Variants in EPB41L4A observed in about 807,000 individuals in gnomAD.
EPB41L4A encodes the protein erythrocyte membrane protein band 4.1 like 4A, also known as band 4.1-like protein 4A.
In EPB41L4A, 100 loss-of-function variants were observed where a neutral mutation model predicts 108.6. That is an observed-to-expected ratio of 0.92 (90% CI 0.78 to 1.09). The LOEUF is 1.09. Ranked by LOEUF, EPB41L4A falls within the 50% of genes least tolerant of loss-of-function variation. The probability of loss-of-function intolerance (pLI) is 0.00; values close to 1 mark genes in which losing one functional copy is unlikely to be tolerated. For missense variants in EPB41L4A, 1,030 were observed against 842.7 expected, an observed-to-expected ratio of 1.22 and a Z score of -2.75; for synonymous variants, 319 against 289.0, an observed-to-expected ratio of 1.10 and a Z score of -1.05.
At chr5:112,387,578 G>A (rs765785757) in intron 1 of EPB41L4A, among the ~76,000 whole-genome samples, 10 of 152,182 alleles carry the variant, frequency 6.6e-5, no homozygotes, top group Non-Finnish European at 1.2e-4. Context: ...GCAGTGAGCC[G>A]AAATCATGCC....
intron 6 of EPB41L4A, chr5:112,263,321 A>G (rs1193663172): frequency 6.6e-6 from 1 of 152,196 alleles, no homozygotes; most frequent in East Asian, 1.9e-4. Flanking sequence ...AAAATTAAGA[A>G]ATCCTGCAGT....
chr5:112,342,403 A>G (rs962565612), intron 1 of EPB41L4A, among the ~76,000 whole-genome samples: 2 of 152,254 alleles, frequency 1.3e-5, no homozygotes, highest in Non-Finnish European at 2.9e-5. Flanking sequence ...AATTGTGCTC[A>G]GCACAATCCA....
intron 4 of EPB41L4A, among the ~76,000 whole-genome samples, chr5:112,267,363 C>A (rs1751935507): frequency 6.6e-6 from 1 of 152,190 alleles, no homozygotes; most frequent in African/African-American, 2.4e-5. Context: ...CAAATGCACA[C>A]AACCAAAGCA....
chr5:112,223,936 A>T (rs1748262111), intron 12 of EPB41L4A, among the ~76,000 whole-genome samples: 1 of 151,692 alleles, frequency 6.6e-6, no homozygotes, highest in Non-Finnish European at 1.5e-5. Context: ...TTTGTCAATA[A>T]GAGTTTCATT....
chr5:112,364,652 CTAAAAAGTT>C (rs1350367694), intron 1 of EPB41L4A, among the ~76,000 whole-genome samples: 1 of 152,158 alleles, frequency 6.6e-6, no homozygotes, highest in African/African-American at 2.4e-5. Flanking sequence ...AAATTAATGT[CTAAAAAGTT>C]TATCTGATTT....
At chr5:112,387,879 CA>C (rs1189615010) in intron 1 of EPB41L4A, among the ~76,000 whole-genome samples, 59 of 152,226 alleles carry the variant, frequency 3.9e-4, no homozygotes, top group Middle Eastern at 6.8e-3. Flanking sequence ...ATGCAGAAGT[CA>C]TAACATACAC....
At chr5:112,203,548 A>G (rs1205103556) in intron 15 of EPB41L4A, among the ~76,000 whole-genome samples, 1 of 152,196 alleles carries the variant, frequency 6.6e-6, no homozygotes, top group Non-Finnish European at 1.5e-5. Context: ...GAGAGGTCCA[A>G]AACTTCCAGC....
At chr5:112,301,737 AT>A (rs908740072) in intron 2 of EPB41L4A, among the ~76,000 whole-genome samples, 3 of 152,158 alleles carry the variant, frequency 2.0e-5, no homozygotes, top group Non-Finnish European at 4.4e-5. Context: ...CATAGAAAAT[AT>A]GTTTAATAAT....
intron 11 of EPB41L4A, among the ~76,000 whole-genome samples, chr5:112,237,032 G>C (rs1040218028): frequency 1.2e-4 from 19 of 152,156 alleles, no homozygotes; most frequent in Non-Finnish European, 2.5e-4. Flanking sequence ...GTTCCCAGGG[G>C]AGTTTCTAAG....
chr5:112,269,763 A>G (rs1752129970), intron 4 of EPB41L4A, among the ~76,000 whole-genome samples: 1 of 152,354 alleles, frequency 6.6e-6, no homozygotes, highest in Non-Finnish European at 1.5e-5. Context: ...AACTAAAAAT[A>G]TCTACTTAAC....
intron 18 of EPB41L4A, among the ~76,000 whole-genome samples, chr5:112,171,214 C>A (rs1161840500): frequency 6.6e-5 from 10 of 152,180 alleles, no homozygotes; most frequent in African/African-American, 1.9e-4. Context: ...CCAGTCATAA[C>A]CAGAGCTTCA....
In EPB41L4A at chr5:112,259,299, A is replaced by C. The variant is rs1464111908; in HGVS notation, c.732-7T>G. ...AACCTTTGTAATCCGAGGCCTAAAA[A>C]ACAAAGCAGATGGTGTTGCTGCTGT... is the stretch of plus-strand genomic sequence containing the variant. On this transcript the variant is annotated splice_polypyrimidine_tract_variant and splice_region_variant and intron_variant, in intron 8 of 22. Transcript: ENST00000261486. The C allele has an allele frequency of 6.2e-7, 1 of 1,612,936 alleles. No homozygotes were observed. Among genetic ancestry groups the C allele is most frequent in the Non-Finnish European group, 8.5e-7 (1 of 1,178,896 alleles).
chr5:112,142,057 A>G (rs1759090727), downstream of EPB41L4A, among the ~76,000 whole-genome samples: 1 of 152,190 alleles, frequency 6.6e-6, no homozygotes, highest in African/African-American at 2.4e-5. Flanking sequence ...TTAAGGAGCA[A>G]TACCAGACTC....
At chr5:112,375,796 G>A (rs1759782831) in intron 1 of EPB41L4A, among the ~76,000 whole-genome samples, 1 of 152,128 alleles carries the variant, frequency 6.6e-6, no homozygotes, top group Non-Finnish European at 1.5e-5. Flanking sequence ...TCTGCTGGTA[G>A]ATGTTCACTG....
At chr5:112,332,861 A>T (rs1033324141) in intron 1 of EPB41L4A, among the ~76,000 whole-genome samples, 1 of 152,236 alleles carries the variant, frequency 6.6e-6, no homozygotes, top group Admixed American at 6.5e-5. Flanking sequence ...TATAAATAGT[A>T]AAAGGCTTTC....
At chr5:112,330,130 G>T (rs1436602822) in intron 1 of EPB41L4A, among the ~76,000 whole-genome samples, 1 of 151,914 alleles carries the variant, frequency 6.6e-6, no homozygotes, top group East Asian at 1.9e-4. Flanking sequence ...TTCAGCTGAA[G>T]AGGGGGTGGG....
At chr5:112,191,889 C>T (rs1244427747) in intron 17 of EPB41L4A, 1 of 152,126 alleles carries the variant, frequency 6.6e-6, no homozygotes, top group African/African-American at 2.4e-5. Context: ...GGTGCATCGG[C>T]GTGCAGGCTT....
intron 17 of EPB41L4A, chr5:112,192,019 T>C (rs1017148008): frequency 6.6e-6 from 1 of 152,150 alleles, no homozygotes; most frequent in Non-Finnish European, 1.5e-5. Context: ...AGTGCTGTAG[T>C]AAAAGCACAA....
intron 1 of EPB41L4A, among the ~76,000 whole-genome samples, chr5:112,381,874 C>A (rs1760198687): frequency 6.6e-6 from 1 of 152,230 alleles, no homozygotes; most frequent in African/African-American, 2.4e-5. Flanking sequence ...GGAGGGGGCT[C>A]CTCCCAAAGT....
Sources: gnomAD v4.1 joint callset for allele counts (sites outside exome capture counted in the v4.1 genomes callset) on GRCh38, gnomAD v4.1.1 for gene constraint, MANE v1.5 for transcripts, NCBI Gene and HGNC (gene_info 2026-07-23, HGNC 2026-07-21) for gene names.